CCSER1: variants seen among roughly 807,000 people sequenced by gnomAD.
CCSER1 encodes the protein coiled-coil serine rich protein 1.
CCSER1 carries 41 observed loss-of-function variants against 82.0 expected under a neutral mutation model. The observed-to-expected ratio is 0.50, with a 90% confidence interval of 0.39 to 0.65. CCSER1 has a LOEUF of 0.65. CCSER1 is among the 30% of genes least tolerant of loss of function. CCSER1 has a pLI of 0.00. For synonymous variants in CCSER1, 414 were observed against 383.9 expected (o/e 1.08, Z -0.92); for missense variants, 1,119 against 1,064.2 (o/e 1.05, Z -0.72).
intron 4 of CCSER1, among the ~76,000 whole-genome samples, chr4:90,432,435 C>T (rs549338199): frequency 3.3e-5 from 5 of 152,268 alleles, no homozygotes; most frequent in African/African-American, 9.6e-5. Flanking sequence ...AGTTACTTAA[C>T]GACATTGTAA....
chr4:90,911,595 C>G (rs1726367921), intron 8 of CCSER1, among the ~76,000 whole-genome samples: 3 of 152,110 alleles, frequency 2.0e-5, no homozygotes. Flanking sequence ...AACTGAGGTA[C>G]CGGGTTCATC....
intron 9 of CCSER1, among the ~76,000 whole-genome samples, chr4:91,019,059 C>T (rs1328439109): frequency 6.6e-6 from 1 of 151,736 alleles, no homozygotes; most frequent in African/African-American, 2.4e-5. Flanking sequence ...AATAAGTGGT[C>T]ATTAAATGAA....
intron 10 of CCSER1, among the ~76,000 whole-genome samples, chr4:91,134,863 C>G (rs768839372): frequency 4.6e-5 from 7 of 152,050 alleles, no homozygotes; most frequent in Non-Finnish European, 7.4e-5. Context: ...AGATTGAGAC[C>G]ATCCTGGCCA....
At chr4:91,163,714 TTGGTTTA>T (rs1731704909) in intron 10 of CCSER1, among the ~76,000 whole-genome samples, 1 of 152,168 alleles carries the variant, frequency 6.6e-6, no homozygotes, top group Non-Finnish European at 1.5e-5. Flanking sequence ...TTGATCTTTG[TTGGTTTA>T]AAGTCTGTTT....
intron 8 of CCSER1, among the ~76,000 whole-genome samples, chr4:90,865,721 A>G (rs1463551400): frequency 6.6e-6 from 1 of 152,036 alleles, no homozygotes; most frequent in South Asian, 2.1e-4. Context: ...GACAGTTACA[A>G]CAACAACAAT....
chr4:90,215,978 G>C (rs1740935451), intron 1 of CCSER1, among the ~76,000 whole-genome samples: 1 of 152,116 alleles, frequency 6.6e-6, no homozygotes, highest in Non-Finnish European at 1.5e-5. Context: ...TATGTACGTG[G>C]ATAATATCTA....
chr4:91,260,413 G>A (rs1448289992), intron 10 of CCSER1, among the ~76,000 whole-genome samples: 3 of 152,210 alleles, frequency 2.0e-5, no homozygotes, highest in Admixed American at 1.3e-4. Context: ...TTTCATAGAT[G>A]TTGTGCCTGA....
chr4:91,102,766 A>G (rs899281414), intron 10 of CCSER1, among the ~76,000 whole-genome samples: 1 of 152,232 alleles, frequency 6.6e-6, no homozygotes, highest in Non-Finnish European at 1.5e-5. Flanking sequence ...AACTATGTCA[A>G]TTAATATAAA....
chr4:90,833,374 C>T (rs1362841641), intron 8 of CCSER1, among the ~76,000 whole-genome samples: 4 of 152,156 alleles, frequency 2.6e-5, no homozygotes, highest in Non-Finnish European at 5.9e-5. Flanking sequence ...TAAGTTTCAA[C>T]ATAAATTTTG....
chr4:90,251,178 T>G (rs571898269), intron 1 of CCSER1, among the ~76,000 whole-genome samples: 1 of 152,090 alleles, frequency 6.6e-6, no homozygotes, highest in East Asian at 1.9e-4. Flanking sequence ...TTTATTTCTT[T>G]TTTTCTAATC....
intron 3 of CCSER1, among the ~76,000 whole-genome samples, chr4:90,323,528 C>A (rs1379699099): frequency 1.3e-5 from 2 of 152,182 alleles, no homozygotes; most frequent in African/African-American, 2.4e-5. Context: ...TGTGACAAGA[C>A]AGCACCGAGT....
At chr4:91,232,951 T>C (rs1738735678) in intron 10 of CCSER1, among the ~76,000 whole-genome samples, 1 of 151,798 alleles carries the variant, frequency 6.6e-6, no homozygotes, top group South Asian at 2.1e-4. Context: ...TAGATATGTA[T>C]AAAAGCTTCA....
chr4:91,041,862 T>G (rs375086862), intron 9 of CCSER1, among the ~76,000 whole-genome samples: 2 of 152,172 alleles, frequency 1.3e-5, no homozygotes, highest in African/African-American at 4.8e-5. Flanking sequence ...CATTGTGGAT[T>G]TTTGCCAAGC....
At chr4:90,782,864 T>C (rs1753986340) in intron 7 of CCSER1, among the ~76,000 whole-genome samples, 1 of 151,814 alleles carries the variant, frequency 6.6e-6, no homozygotes, top group Non-Finnish European at 1.5e-5. Flanking sequence ...CTGTTTTTAG[T>C]AGAGATGGGG....
chr4:90,243,079 TTTA>T (rs1465616383), intron 1 of CCSER1, among the ~76,000 whole-genome samples: 6 of 142,702 alleles, frequency 4.2e-5, no homozygotes, highest in African/African-American at 1.4e-4. Context: ...TTTTTTTTTT[TTTA>T]AAATAGGATC....
At chr4:90,885,293 A>C (rs902497037) in intron 8 of CCSER1, among the ~76,000 whole-genome samples, 2 of 152,162 alleles carry the variant, frequency 1.3e-5, no homozygotes, top group African/African-American at 2.4e-5. Flanking sequence ...TGAAAGAAAA[A>C]GGAAGGAAAA....
chr4:91,080,825 G>A (rs1013005548), intron 9 of CCSER1, among the ~76,000 whole-genome samples: 1 of 152,022 alleles, frequency 6.6e-6, no homozygotes, highest in Non-Finnish European at 1.5e-5. Context: ...AGAAGAAATG[G>A]ATAAATTCCT....
intron 1 of CCSER1, among the ~76,000 whole-genome samples, chr4:90,256,078 A>G (rs1208624019): frequency 1.3e-5 from 2 of 152,086 alleles, no homozygotes; most frequent in Non-Finnish European, 2.9e-5. Flanking sequence ...ATTTTTCTTC[A>G]TCTTATATAA....
rs1764897406 is a variant in CCSER1 at position 91,604,167 on chromosome 4, A to T, written c.*5110A>T. ...AGGTAACTTGTCCAGGACACACAACATGCATTTTTAATTAAATTGGATTTA... is the reference window on the plus strand; with the variant it reads ...AGGTAACTTGTCCAGGACACACAACTTGCATTTTTAATTAAATTGGATTTA... On this transcript the variant is annotated 3_prime_UTR_variant, in exon 11 of 11. Transcript: ENST00000509176. 1 of 152,070 alleles carries T rather than the reference A, an allele frequency of 6.6e-6. No homozygotes were observed. The highest frequency in any genetic ancestry group is 1.5e-5 in the Non-Finnish European group (1 of 67,984). 9.4% of individuals were successfully genotyped at this position (152,070 alleles called of 1,614,324 possible). A position where few individuals can be genotyped will look rare whatever the true frequency, so the allele number is the denominator to read the frequency against.
Sources: allele counts gnomAD v4.1 joint callset (sites outside exome capture counted in the v4.1 genomes callset), GRCh38; gene constraint gnomAD v4.1.1; transcripts MANE v1.5; gene names NCBI Gene and HGNC (gene_info 2026-07-23, HGNC 2026-07-21).